Variants in VPS26C observed in about 807,000 individuals in gnomAD.
The protein encoded by VPS26C is VPS26 endosomal protein sorting factor C.
VPS26C carries 19 observed loss-of-function variants against 30.6 expected under a neutral mutation model. That is an observed-to-expected ratio of 0.62 (90% CI 0.43 to 0.91). The LOEUF (loss-of-function observed/expected upper bound fraction) is 0.91, where lower values mean the gene tolerates loss of function less well. Among genes scored for constraint, VPS26C ranks in the 40% least tolerant of loss-of-function variants. VPS26C has a pLI of 0.00. For missense variants in VPS26C, 318 were observed against 385.1 expected (o/e 0.83, Z 1.46); for synonymous variants, 132 against 151.5 (o/e 0.87, Z 0.95).
chr21:37,265,271 A>G (rs1483250570), intron 1 of VPS26C, among the ~76,000 whole-genome samples: 6 of 152,214 alleles, frequency 3.9e-5, no homozygotes, highest in African/African-American at 1.4e-4. Flanking sequence ...TCAAAGGGTA[A>G]ATTTCGTATT....
chr21:37,260,275 T>C (rs1443096307), intron 1 of VPS26C, among the ~76,000 whole-genome samples: 1 of 152,094 alleles, frequency 6.6e-6, no homozygotes, highest in African/African-American at 2.4e-5. Flanking sequence ...AAAACAGTAT[T>C]AGTTAGGTGT....
chr21:37,258,463 G>T (rs977060414), intron 1 of VPS26C, among the ~76,000 whole-genome samples: 19 of 152,214 alleles, frequency 1.2e-4, no homozygotes, highest in Admixed American at 2.0e-4. Flanking sequence ...ATGAACGCGC[G>T]GTGGGGACCC....
chr21:37,239,675 C>G (rs901845460), intron 2 of VPS26C, among the ~76,000 whole-genome samples: 1 of 151,172 alleles, frequency 6.6e-6, no homozygotes, highest in Non-Finnish European at 1.5e-5. Context: ...GCCATCTCAG[C>G]TCACTGCAAC....
At chr21:37,256,738 G>A (rs1381171853) in intron 1 of VPS26C, among the ~76,000 whole-genome samples, 3 of 152,208 alleles carry the variant, frequency 2.0e-5, no homozygotes, top group African/African-American at 7.2e-5. Flanking sequence ...AAAGTGTTCT[G>A]TGTAGCTAAG....
At chr21:37,259,530 T>C (rs577816102) in intron 1 of VPS26C, among the ~76,000 whole-genome samples, 13 of 152,318 alleles carry the variant, frequency 8.5e-5, no homozygotes, top group Middle Eastern at 3.4e-3. Flanking sequence ...ATGAATTATA[T>C]TTACACTACA....
intron 1 of VPS26C, among the ~76,000 whole-genome samples, chr21:37,258,507 C>T (rs1048419303): frequency 2.0e-5 from 3 of 152,216 alleles, no homozygotes; most frequent in Non-Finnish European, 4.4e-5. Flanking sequence ...CTGGAAGCTA[C>T]GTGTCCTCAG....
chr21:37,244,766 A>G (rs1402846977), intron 1 of VPS26C, among the ~76,000 whole-genome samples: 1 of 152,170 alleles, frequency 6.6e-6, no homozygotes, highest in Non-Finnish European at 1.5e-5. Context: ...TAGGTGGAAG[A>G]GCTGTTAAAA....
In VPS26C at chr21:37,258,606, TAAGA is replaced by T. The variant is rs2086271574; in HGVS notation, c.57+8628_57+8631del. 5.9e-5 allele frequency among the ~76,000 whole-genome samples: 9 copies of T among 152,222 alleles called. No individual in the cohort carries two copies. In the South Asian group the frequency reaches 1.9e-3, roughly 32 times the overall value. On this transcript the variant is annotated intron_variant, in intron 1 of 7. Coordinates refer to ENST00000309117, the MANE Select transcript of VPS26C (RefSeq NM_006052.2). ...AGGTGTAGGCTGCAGGTTTCGGGCC[TAAGA>T]GAGGGCATGGCTGGCGACACGGAGT...
intron 1 of VPS26C, among the ~76,000 whole-genome samples, chr21:37,246,717 T>G (rs2086141212): frequency 6.6e-6 from 1 of 152,234 alleles, no homozygotes; most frequent in African/African-American, 2.4e-5. Flanking sequence ...GTACATGGCT[T>G]TCCCATCTTT....
chr21:37,264,934 A>G (rs1013195753), intron 1 of VPS26C, among the ~76,000 whole-genome samples: 1 of 152,370 alleles, frequency 6.6e-6, no homozygotes, highest in South Asian at 2.1e-4. Flanking sequence ...TATCCATACA[A>G]TGGAATATTA....
intron 1 of VPS26C, among the ~76,000 whole-genome samples, chr21:37,262,494 C>G (rs2086315120): frequency 6.6e-6 from 1 of 152,160 alleles, no homozygotes; most frequent in Non-Finnish European, 1.5e-5. Context: ...TTGCCTATCT[C>G]TACTAACCTG....
At chr21:37,264,281 G>T (rs1391954618) in intron 1 of VPS26C, among the ~76,000 whole-genome samples, 1 of 152,200 alleles carries the variant, frequency 6.6e-6, no homozygotes, top group African/African-American at 2.4e-5. Flanking sequence ...ACTGAAGGTT[G>T]AGAGAAGCTG....
chr21:37,267,369 G>A (rs2086379507), upstream of VPS26C: 2 of 1,355,394 alleles, frequency 1.5e-6, no homozygotes, highest in African/African-American at 1.5e-5. Context: ...TCCCCGCTTC[G>A]TTCTGGGCCC....
At position 37,257,517 on chromosome 21, in the gene VPS26C, G is replaced by A. The variant is rs1226412495; in HGVS notation, c.57+9721C>T. Reference sequence around the variant, plus strand: ...AAAGTAACTGGGTTGGGGTGGGGGTGTAGCCACATGCAGTAAAAGCACTGC... The same window carrying A: ...AAAGTAACTGGGTTGGGGTGGGGGTATAGCCACATGCAGTAAAAGCACTGC... On this transcript the variant is annotated intron_variant, in intron 1 of 7. Transcript: ENST00000309117. The surrounding 1 kb of genome is among the most constrained non-coding windows in gnomAD (Gnocchi z 4.2). Among the ~76,000 whole-genome samples, 1 of 152,240 alleles carries A rather than the reference G, an allele frequency of 6.6e-6. No individual in the cohort carries two copies.
At chr21:37,259,501 T>C (rs1224733204) in intron 1 of VPS26C, among the ~76,000 whole-genome samples, 1 of 152,204 alleles carries the variant, frequency 6.6e-6, no homozygotes, top group East Asian at 1.9e-4. Context: ...TGTAAAACAT[T>C]CTGGATTTAT....
intron 1 of VPS26C, among the ~76,000 whole-genome samples, chr21:37,256,984 T>G: frequency 6.6e-6 from 1 of 151,920 alleles, no homozygotes; most frequent in Admixed American, 6.6e-5. Flanking sequence ...AATAAAAAAT[T>G]AGCCAAGCGT....
intron 1 of VPS26C, among the ~76,000 whole-genome samples, chr21:37,265,651 C>T (rs1467242748): frequency 6.6e-6 from 1 of 152,112 alleles, no homozygotes; most frequent in African/African-American, 2.4e-5. Context: ...ACTGATATTT[C>T]CGAAGAATCC....
Position 37,233,106 on chromosome 21 carries a change from G to C in VPS26C, c.432+256C>G, listed in dbSNP as rs1260676441. Among the ~76,000 whole-genome samples the C allele has an allele frequency of 6.6e-6, 1 of 152,218 alleles. No homozygotes were observed. Among genetic ancestry groups the C allele is most frequent in the Non-Finnish European group, 1.5e-5 (1 of 68,046 alleles). The stretch of plus-strand genomic sequence containing the variant: ...AGTCTACCATCCAGAGAGCCAGGGG[G>C]AGGAAAGGTCCTGCCTGATGTGCCG... On this transcript the variant is annotated intron_variant, in intron 4 of 7. Transcript: ENST00000309117. This position sits in a 1 kb window ranked among gnomAD's most constrained non-coding sequence, Gnocchi z 5.2.
intron 3 of VPS26C, chr21:37,238,108 A>G (rs2086043877): frequency 5.1e-6 from 1 of 196,708 alleles, no homozygotes; most frequent in Admixed American, 5.9e-5. Context: ...AGATACTTGT[A>G]AGTATAAAAC....
Sources: gnomAD v4.1 joint callset for allele counts (sites outside exome capture counted in the v4.1 genomes callset) on GRCh38, gnomAD v4.1.1 for gene constraint, Gnocchi (gnomAD v3.1) non-coding constraint, MANE v1.5 for transcripts, NCBI Gene and HGNC (gene_info 2026-07-23, HGNC 2026-07-21) for gene names.